Variants in SGSM1 observed in about 807,000 individuals in gnomAD.
SGSM1 encodes the protein small G protein signaling modulator 1.
In SGSM1, 73 loss-of-function variants were observed where a neutral mutation model predicts 133.8. The observed-to-expected ratio is 0.55, with a 90% CI of 0.45 to 0.66. The LOEUF is 0.66. SGSM1 is among the 30% of genes least tolerant of loss of function. The pLI is 0.00. For synonymous variants in SGSM1, 563 were observed against 573.0 expected, an observed-to-expected ratio of 0.98 and a Z score of 0.25; for missense variants, 1,213 against 1,448.1, an observed-to-expected ratio of 0.84 and a Z score of 2.64.
intron 21 of SGSM1, among the ~76,000 whole-genome samples, chr22:24,908,236 C>A (rs1298004233): frequency 6.6e-6 from 1 of 152,190 alleles, no homozygotes; most frequent in African/African-American, 2.4e-5. Context: ...GATCATAGAC[C>A]TAAATGTAAG....
rs372634005 is a variant in SGSM1, at chr22:24,917,715, T to C, written c.2986T>C (p.Tyr996His). The C allele has an allele frequency of 3.1e-6, 5 of 1,613,886 alleles. No homozygotes were observed. The African/African-American group carries it at 6.7e-5, about 22-fold the overall frequency. ...MHQNGDYTHF[Y>H]FCYRWFLLDF... ...TCAGAACGGGGACTATACTCACTTC[T>C]ACTTCTGCTACCGCTGGTTCCTGCT... The change falls in exon 23 of 25, where the codon TAC becomes CAC. Residue 996 changes from tyrosine (Y) to histidine (H), a missense_variant. Transcript: ENST00000400358.
Position 24,879,142 on chromosome 22 carries a change from A to G in SGSM1, c.1431-320A>G, listed in dbSNP as rs1299502050. On this transcript the variant is annotated intron_variant, in intron 13 of 24. Coordinates refer to ENST00000400358, the MANE Select transcript of SGSM1 (RefSeq NM_001098497.3). The stretch of plus-strand genomic sequence containing the variant: ...AACAAAAGTCCCAGGGCTAATTCTC[A>G]TTGGCTCAGGTTGGGTCACATGACC... Among the ~76,000 whole-genome samples the G allele has an allele frequency of 2.6e-5, 4 of 152,054 alleles. No homozygotes were observed. In the East Asian group the frequency reaches 7.7e-4, roughly 29 times the overall value.
chr22:24,875,258 C>A (rs1298041732), intron 12 of SGSM1, among the ~76,000 whole-genome samples: 1 of 152,042 alleles, frequency 6.6e-6, no homozygotes, highest in African/African-American at 2.4e-5. Context: ...AGCCTATGAG[C>A]TAAGAATGTT....
At position 24,826,697 on chromosome 22, in the gene SGSM1, G is replaced by A. The variant is rs191709390; in HGVS notation, c.64-18200G>A. On this transcript the variant is annotated intron_variant, in intron 2 of 24. Coordinates refer to ENST00000400358, the MANE Select transcript of SGSM1 (RefSeq NM_001098497.3). Reference sequence around the variant, plus strand: ...AAAGGGTAGCGATGGCAGGTGTGAGGCCCTGTTTTAGACAAGGTGATCAGG... The same window carrying A: ...AAAGGGTAGCGATGGCAGGTGTGAGACCCTGTTTTAGACAAGGTGATCAGG... Among the ~76,000 whole-genome samples the A allele has an allele frequency of 1.3e-3, 197 of 152,254 alleles. 1 individual carries two copies. Among genetic ancestry groups the A allele is most frequent in the Admixed American group, 9.9e-3 (151 of 15,296 alleles).
At position 24,898,304 on chromosome 22, in the gene SGSM1, C is replaced by T. The variant is rs757370467; in HGVS notation, c.2355C>T (p.Asp785=). ...ELAVQDSLES[D]LLANESMDEF... is the part of the protein sequence containing the mutation. ...CCGTGCAGGACAGCCTGGAGAGTGACCTCCTGGCCAACGAGAGCATGGACG... is the reference window on the plus strand; with the variant it reads ...CCGTGCAGGACAGCCTGGAGAGTGATCTCCTGGCCAACGAGAGCATGGACG... Residue 785 remains aspartate (D), a synonymous_variant, in exon 19 of 25, where the codon GAC becomes GAT. Transcript: ENST00000400358. 6.2e-7 allele frequency: 1 copy of T among 1,613,934 alleles called. No homozygotes were observed. Among genetic ancestry groups the T allele is most frequent in the Non-Finnish European group, 8.5e-7 (1 of 1,179,878 alleles).
intron 13 of SGSM1, among the ~76,000 whole-genome samples, chr22:24,877,465 T>G (rs1932080113): frequency 6.6e-6 from 1 of 152,140 alleles, no homozygotes; most frequent in Non-Finnish European, 1.5e-5. Flanking sequence ...TTGAAACTCT[T>G]CAGCCAATTC....
At chr22:24,922,962 T>C (rs1409552605) in intron 24 of SGSM1, among the ~76,000 whole-genome samples, 3 of 152,142 alleles carry the variant, frequency 2.0e-5, no homozygotes, top group Admixed American at 6.5e-5. Flanking sequence ...ACTTTGTCTC[T>C]ACTAAAAATA....
At chr22:24,842,638 CA>C (rs1050334407) in intron 2 of SGSM1, among the ~76,000 whole-genome samples, 2 of 152,074 alleles carry the variant, frequency 1.3e-5, no homozygotes, top group African/African-American at 2.4e-5. Flanking sequence ...AAGTACTGAC[CA>C]AATGTTACAC....
chr22:24,873,997 A>G (rs1931894044), intron 12 of SGSM1, among the ~76,000 whole-genome samples: 1 of 152,180 alleles, frequency 6.6e-6, no homozygotes, highest in Non-Finnish European at 1.5e-5. Context: ...TGTACTCAGT[A>G]GGGACAGCAG....
chr22:24,815,522 C>A (rs1223790244), intron 2 of SGSM1, among the ~76,000 whole-genome samples: 7 of 152,122 alleles, frequency 4.6e-5, no homozygotes, highest in Admixed American at 4.6e-4. Context: ...GCAGGCGGAT[C>A]ACGAGTTCAG....
rs546720108 is a variant in SGSM1 at position 24,846,212 on chromosome 22, ATT to A, written c.139+1244_139+1245del. 2.0e-3 allele frequency among the ~76,000 whole-genome samples: 301 copies of A among 148,962 alleles called. 1 individual carries two copies. Among genetic ancestry groups the A allele is most frequent in the African/African-American group, 6.8e-3 (278 of 40,628 alleles). ...TGCCACCATACCTGGCTAATTTTAAATTTTTCTGTAAAGATGGAGTCTTGCCA... is the reference window on the plus strand; with the variant it reads ...TGCCACCATACCTGGCTAATTTTAAATTTCTGTAAAGATGGAGTCTTGCCA... On this transcript the variant is annotated intron_variant, in intron 3 of 24. Coordinates refer to ENST00000400358, the MANE Select transcript of SGSM1 (RefSeq NM_001098497.3).
At chr22:24,845,021 G>A (rs760975690) in intron 3 of SGSM1, 49 bp downstream of exon 3, 20 of 1,583,522 alleles carry the variant, frequency 1.3e-5, no homozygotes, top group Admixed American at 6.8e-5. Flanking sequence ...GGGCTGCCTC[G>A]GGGAAGTGGT....
intron 2 of SGSM1, among the ~76,000 whole-genome samples, chr22:24,808,279 T>A (rs1244952429): frequency 6.6e-6 from 1 of 151,942 alleles, no homozygotes; most frequent in Non-Finnish European, 1.5e-5. Flanking sequence ...CCGGCTAATT[T>A]TTTATTTTTT....
At chr22:24,849,368 A>G (rs1482268344) in intron 4 of SGSM1, among the ~76,000 whole-genome samples, 2 of 152,166 alleles carry the variant, frequency 1.3e-5, no homozygotes, top group South Asian at 2.1e-4. Flanking sequence ...AGCCTGACCA[A>G]CATGGAGAAA....
intron 19 of SGSM1, among the ~76,000 whole-genome samples, chr22:24,900,340 C>CTTTCTTTCT (rs1036191488): frequency 2.4e-5 from 3 of 126,032 alleles, no homozygotes; most frequent in African/African-American, 3.4e-5. Context: ...TTGTTAACCT[C>CTTTCTTTCT]TTCTTTCTTT....
chr22:24,890,518 G>C (rs1214554853), intron 16 of SGSM1, among the ~76,000 whole-genome samples: 1 of 151,984 alleles, frequency 6.6e-6, no homozygotes, highest in African/African-American at 2.4e-5. Context: ...ACCAGATTTT[G>C]CATCTGCTTG....
intron 16 of SGSM1, among the ~76,000 whole-genome samples, chr22:24,888,938 CTTTTTTTT>C (rs1234715475): frequency 2.5e-5 from 2 of 79,946 alleles, no homozygotes; most frequent in African/African-American, 1.2e-4. Flanking sequence ...TCATAGTCAC[CTTTTTTTT>C]TTTTTTTTTT....
At chr22:24,839,110 C>A (rs1032569374) in intron 2 of SGSM1, among the ~76,000 whole-genome samples, 1 of 152,142 alleles carries the variant, frequency 6.6e-6, no homozygotes, top group African/African-American at 2.4e-5. Flanking sequence ...AGCTGGAGTG[C>A]AGTAGTGTGA....
chr22:24,882,423 G>T (rs114742396), intron 14 of SGSM1, among the ~76,000 whole-genome samples: 2 of 152,122 alleles, frequency 1.3e-5, no homozygotes, highest in Admixed American at 1.3e-4. Flanking sequence ...TATTTTAGGG[G>T]TACATAGGAT....
Sources: allele counts gnomAD v4.1 joint callset (sites outside exome capture counted in the v4.1 genomes callset), GRCh38; gene constraint gnomAD v4.1.1; transcripts MANE v1.5; gene names NCBI Gene and HGNC (gene_info 2026-07-23, HGNC 2026-07-21).